ATAD2B: variants seen among roughly 807,000 people sequenced by gnomAD.
ATAD2B encodes the protein ATPase family AAA domain containing 2B.
ATAD2B carries 40 observed loss-of-function variants against 167.6 expected under a neutral mutation model. The ratio of observed to expected loss-of-function variants is 0.24; its 90% CI spans 0.19 to 0.31. The LOEUF (loss-of-function observed/expected upper bound fraction) is 0.31, where lower values mean the gene tolerates loss of function less well. Among genes scored for constraint, ATAD2B ranks in the 10% least tolerant of loss-of-function variants. The pLI is 1.00. For missense variants in ATAD2B, 1,242 were observed against 1,757.2 expected (o/e 0.71, Z 5.24); for synonymous variants, 579 against 596.5 (o/e 0.97, Z 0.43).
At chr2:23,902,190 T>C (rs1415787726) in intron 1 of ATAD2B, among the ~76,000 whole-genome samples, 1 of 152,186 alleles carries the variant, frequency 6.6e-6, no homozygotes, top group Non-Finnish European at 1.5e-5. Context: ...CTCTGGCATA[T>C]AACATACTTC....
At chr2:23,804,150 T>C (rs1458912032) in intron 18 of ATAD2B, among the ~76,000 whole-genome samples, 1 of 152,242 alleles carries the variant, frequency 6.6e-6, no homozygotes, top group Non-Finnish European at 1.5e-5. Flanking sequence ...TACCCACTTA[T>C]AACCTGGTTT....
chr2:23,871,217 T>C (rs946758039), intron 8 of ATAD2B, among the ~76,000 whole-genome samples: 1 of 152,080 alleles, frequency 6.6e-6, no homozygotes, highest in Non-Finnish European at 1.5e-5. Flanking sequence ...TATATCGTCT[T>C]CTTCTCCACC....
intron 17 of ATAD2B, among the ~76,000 whole-genome samples, chr2:23,819,236 G>C (rs1035533830): frequency 6.6e-6 from 1 of 152,058 alleles, no homozygotes; most frequent in Admixed American, 6.6e-5. Context: ...AGTGGCATAC[G>C]CCTATAATCC....
intron 2 of ATAD2B, 73 bp from the exon 3 acceptor site, chr2:23,888,472 G>T: frequency 1.1e-6 from 1 of 923,904 alleles, no homozygotes; most frequent in Non-Finnish European, 1.6e-6. Flanking sequence ...AAATACTGCT[G>T]GAATTATTTT....
chr2:23,797,137 C>T (rs1348600439), intron 19 of ATAD2B, among the ~76,000 whole-genome samples: 2 of 151,980 alleles, frequency 1.3e-5, no homozygotes, highest in African/African-American at 4.8e-5. Flanking sequence ...AGTAAACAAA[C>T]ACTTTAACCA....
chr2:23,788,267 T>G (rs1305548714), intron 20 of ATAD2B: 8 of 432,700 alleles, frequency 1.8e-5, no homozygotes, highest in Non-Finnish European at 3.3e-5. Context: ...TAATGTGACA[T>G]CTACCACAGG....
intron 22 of ATAD2B, among the ~76,000 whole-genome samples, chr2:23,779,164 TTTTTC>T (rs1468829545): frequency 1.2e-4 from 18 of 145,608 alleles, no homozygotes; most frequent in African/African-American, 4.3e-4. Flanking sequence ...TATAATTTTT[TTTTTC>T]TTTTCTTTTT....
chr2:23,891,859 G>T (rs17762609), intron 2 of ATAD2B, among the ~76,000 whole-genome samples: 18,297 of 151,920 alleles, frequency 0.12, 1,178 homozygotes, highest in Middle Eastern at 0.21. Context: ...TGATTATTAC[G>T]TTAGAACTTT....
intron 22 of ATAD2B, among the ~76,000 whole-genome samples, chr2:23,766,706 T>A (rs1028347556): frequency 6.6e-6 from 1 of 152,080 alleles, no homozygotes; most frequent in African/African-American, 2.4e-5. Context: ...GAACAAATCA[T>A]CTCTCATACA....
At chr2:23,713,151 C>T in the ATAD2B span, among the ~76,000 whole-genome samples, 18 of 152,256 alleles carry the variant, frequency 1.2e-4, no homozygotes, top group Admixed American at 8.5e-4. Flanking sequence ...TCTTTCACTA[C>T]GTGTACAGAA....
the ATAD2B span, among the ~76,000 whole-genome samples, chr2:23,733,163 T>G: frequency 0.023 from 3,487 of 152,272 alleles, 148 homozygotes; most frequent in African/African-American, 0.08. Context: ...TCAAAATCCT[T>G]TCCTAAACCC....
At position 23,750,769 on chromosome 2, in the gene ATAD2B, A is replaced by G. The variant is rs1675262632; in HGVS notation, c.*1277T>C. On this transcript the variant is annotated 3_prime_UTR_variant, in exon 28 of 28. Coordinates refer to ENST00000238789, the MANE Select transcript of ATAD2B (RefSeq NM_017552.4). ...CTAGACTGTGTCTCCAAATTTGTAG[A>G]AAGTTTTTGTAAAACTAGTAACCCA... The G allele has an allele frequency of 6.6e-6, 1 of 152,190 alleles. No homozygotes were observed. The highest frequency in any genetic ancestry group is 2.4e-5 in the African/African-American group (1 of 41,462). The allele number at this position is 152,190 out of a possible 1,614,324, so 9.4% of individuals were successfully genotyped here.
At chr2:23,875,941 A>G (rs375698478) in intron 7 of ATAD2B, 37 bp from the exon 8 acceptor site, 2 of 1,355,254 alleles carry the variant, frequency 1.5e-6, no homozygotes, top group African/African-American at 2.9e-5. Flanking sequence ...GAAATAACTA[A>G]TAAATTGATA....
chr2:23,842,680 T>A (rs1327535645), intron 13 of ATAD2B, among the ~76,000 whole-genome samples: 1 of 151,948 alleles, frequency 6.6e-6, no homozygotes, highest in East Asian at 1.9e-4. Context: ...TATTAAAGAA[T>A]AAGGGGGACC....
the ATAD2B span, among the ~76,000 whole-genome samples, chr2:23,722,085 C>T: frequency 6.6e-6 from 1 of 152,172 alleles, no homozygotes; most frequent in Non-Finnish European, 1.5e-5. Flanking sequence ...ATGACATGAC[C>T]CATTCATACA....
the ATAD2B span, among the ~76,000 whole-genome samples, chr2:23,731,879 A>C: frequency 1.3e-5 from 2 of 152,114 alleles, no homozygotes; most frequent in African/African-American, 2.4e-5. Context: ...CAGGAGGCTA[A>C]GGCAGGAAAA....
rs534659266 is a variant in ATAD2B, at chr2:23,906,919, C to G, written c.217-10949G>C. 2.9e-3 allele frequency among the ~76,000 whole-genome samples: 436 copies of G among 151,048 alleles called. 2 individuals are homozygous for G. The highest frequency in any genetic ancestry group is 0.016 in the East Asian group (84 of 5,170). Reference sequence around the variant, plus strand: ...AAGGCCTTTGACAAAATTCAACAACCCTTCATGCTAAAAACTCTCAATAAA... The same window carrying G: ...AAGGCCTTTGACAAAATTCAACAACGCTTCATGCTAAAAACTCTCAATAAA... On this transcript the variant is annotated intron_variant, in intron 1 of 27. Coordinates refer to ENST00000238789, the MANE Select transcript of ATAD2B (RefSeq NM_017552.4).
intron 1 of ATAD2B, among the ~76,000 whole-genome samples, chr2:23,911,331 G>T (rs1194053066): frequency 6.6e-6 from 1 of 152,180 alleles, no homozygotes; most frequent in Non-Finnish European, 1.5e-5. Flanking sequence ...AAGGTAGGCA[G>T]ATCGCTTGAG....
At chr2:23,922,701 C>CAAAAAAAAAAAAAAAAAAAAAAA (rs11386515) in intron 1 of ATAD2B, among the ~76,000 whole-genome samples, 8 of 126,482 alleles carry the variant, frequency 6.3e-5, no homozygotes, top group African/African-American at 2.6e-4. Context: ...GACTCTGTCT[C>CAAAAAAAAAAAAAAAAAAAAAAA]AAAAAAAAAA....
Sources: allele counts gnomAD v4.1 joint callset (sites outside exome capture counted in the v4.1 genomes callset), GRCh38; gene constraint gnomAD v4.1.1; transcripts MANE v1.5; gene names NCBI Gene and HGNC (gene_info 2026-07-23, HGNC 2026-07-21).